Variants in TRPM4 observed in about 807,000 individuals in gnomAD.
TRPM4 encodes calcium-activated non-selective cation channel 1.
TRPM4 carries 124 observed loss-of-function variants against 135.6 expected under a neutral mutation model. That is an observed-to-expected ratio of 0.91 (90% CI 0.79 to 1.06). The LOEUF (loss-of-function observed/expected upper bound fraction) is 1.06. Ranked by LOEUF, TRPM4 falls within the 50% of genes least tolerant of loss-of-function variation. TRPM4 has a pLI of 0.00. For missense variants in TRPM4, 1,658 were observed against 1,671.4 expected (o/e 0.99, Z 0.14); for synonymous variants, 745 against 705.6 (o/e 1.06, Z -0.88).
rs917473038 is a variant in TRPM4 at position 49,188,970 on chromosome 19, G to A, written c.1898G>A (p.Ser633Asn). 8.7e-6 allele frequency: 14 copies of A among 1,614,014 alleles called. No individual in the cohort carries two copies. In the African/African-American group the frequency reaches 1.3e-4, roughly 15 times the overall value. ...GVDLFGECYRSSEVRAARLLL... is the reference protein window; with the variant it reads ...GVDLFGECYRNSEVRAARLLL... The stretch of plus-strand genomic sequence containing the variant: ...GACCTCTTTGGCGAGTGCTATCGCA[G>A]CAGTGAGGTGAGGGCTGCCCGCCTC... The change falls in exon 14 of 25, where the codon AGC (serine) becomes AAC (asparagine). Residue 633 changes from serine (S) to asparagine (N), a missense_variant. This residue lies in a region of TRPM4 where 1,412 missense variants were observed against 1,408.7 expected (regional missense o/e 1.00). Transcript: ENST00000252826.
chr19:49,197,900 G>A (rs570987098), intron 17 of TRPM4, among the ~76,000 whole-genome samples: 1 of 152,014 alleles, frequency 6.6e-6, no homozygotes, highest in African/African-American at 2.4e-5. Context: ...TATTGACCAG[G>A]CTGGTCTTGA....
chr19:49,196,738 G>C lies in TRPM4; in HGVS notation c.2509G>C (p.Gly837Arg), dbSNP rs867831248. 2 of 1,550,728 alleles carry C rather than the reference G, an allele frequency of 1.3e-6. No homozygotes were observed. The highest frequency in any genetic ancestry group is 2.4e-5 in the East Asian group (1 of 41,780). The change falls in exon 17 of 25, where the codon GGG becomes CGG. Residue 837 changes from glycine (G) to arginine (R), a missense_variant. Transcript: ENST00000252826. The part of the protein sequence containing the change: ...EELRQGLSGG[G>R]GSLASGGPGP... ...ACTGCGCCAGGGCCTGAGCGGAGGC[G>C]GGGGCAGCCTCGCCAGCGGGGGCCC...
At chr19:49,164,363 A>ATT (rs1967087744) in intron 2 of TRPM4, among the ~76,000 whole-genome samples, 8 of 10,094 alleles carry the variant, frequency 7.9e-4, no homozygotes, top group Admixed American at 3.0e-3. Context: ...TTCTTTCCTT[A>ATT]GTTTTTTTTT....
chr19:49,158,575 G>A (rs964952310), intron 2 of TRPM4: 2 of 376,790 alleles, frequency 5.3e-6, no homozygotes, highest in Non-Finnish European at 9.6e-6. Context: ...TCCCTTTTGG[G>A]TATTTCTGTT....
At chr19:49,181,953 ATCTG>A (rs71180603) in intron 10 of TRPM4, among the ~76,000 whole-genome samples, 2 of 150,766 alleles carry the variant, frequency 1.3e-5, no homozygotes, top group African/African-American at 2.4e-5. Flanking sequence ...CCACCCATCC[ATCTG>A]TCTATCCATC....
intron 16 of TRPM4, among the ~76,000 whole-genome samples, chr19:49,194,726 A>G (rs1234570705): frequency 1.0e-5 from 1 of 99,288 alleles, no homozygotes; most frequent in African/African-American, 4.1e-5. Context: ...TTCTTTCTCT[A>G]TCTCCTTCCC....
chr19:49,204,979 G>GTTT (rs1418647808), intron 20 of TRPM4, among the ~76,000 whole-genome samples: 1 of 85,724 alleles, frequency 1.2e-5, no homozygotes, highest in Admixed American at 1.2e-4. Flanking sequence ...ATTGGCTTTG[G>GTTT]TTGTTTTTTT....
intron 20 of TRPM4, among the ~76,000 whole-genome samples, chr19:49,205,047 C>G (rs1284755346): frequency 6.7e-6 from 1 of 149,608 alleles, no homozygotes; most frequent in African/African-American, 2.5e-5. Flanking sequence ...ATCTTGAACC[C>G]CTGGGCTCAA....
chr19:49,202,034 G>A lies in TRPM4; in HGVS notation c.3024G>A (p.Ala1008=), dbSNP rs35145363. 5.0e-3 allele frequency: 8,112 copies of A among 1,613,914 alleles called. 326 individuals are homozygous for A. In the African/African-American group the frequency reaches 0.088, roughly 17 times the overall value. The change falls in exon 20 of 25, where the codon GCG becomes GCA. Residue 1008 remains alanine (A), a synonymous_variant. Transcript: ENST00000252826. ...GGGCACACCCTCCTGGGGCCCAGGCGGGCACCTGCGTCTCCCAGTATGCCA... is the reference window on the plus strand; with the variant it reads ...GGGCACACCCTCCTGGGGCCCAGGCAGGCACCTGCGTCTCCCAGTATGCCA... ...GFWAHPPGAQ[A]GTCVSQYANW...
intron 9 of TRPM4, among the ~76,000 whole-genome samples, chr19:49,177,340 T>C (rs1219242104): frequency 1.3e-5 from 2 of 148,514 alleles, no homozygotes; most frequent in Non-Finnish European, 1.5e-5. Flanking sequence ...CTTTTTTTTT[T>C]TTTTTTTTTT....
chr19:49,158,522 A>T, intron 2 of TRPM4: 2 of 526,880 alleles, frequency 3.8e-6, no homozygotes, highest in Non-Finnish European at 6.8e-6. Context: ...TGTCTCTTCT[A>T]TGTGCTTCTG....
chr19:49,179,630 G>A (rs1341047806), intron 9 of TRPM4, among the ~76,000 whole-genome samples: 16 of 152,232 alleles, frequency 1.1e-4, no homozygotes, highest in African/African-American at 3.6e-4. Flanking sequence ...GATTACAGGC[G>A]TGAGCCACGG....
At chr19:49,202,881 C>CT (rs752188238) in intron 20 of TRPM4, among the ~76,000 whole-genome samples, 24,526 of 109,522 alleles carry the variant, frequency 0.22, 3,479 homozygotes, top group South Asian at 0.29. Context: ...ATTTTTACTT[C>CT]TTTTTTTTTT....
At chr19:49,173,388 A>G (rs777105682) in intron 9 of TRPM4, among the ~76,000 whole-genome samples, 1 of 152,056 alleles carries the variant, frequency 6.6e-6, no homozygotes, top group Non-Finnish European at 1.5e-5. Context: ...TCCTCCATCC[A>G]CCCATCTTCC....
At chr19:49,166,255 G>A in intron 3 of TRPM4, 40 bp downstream of exon 3, 1 of 1,551,834 alleles carries the variant, frequency 6.4e-7, no homozygotes. Context: ...GGCACCAGGG[G>A]GCTGCATGCT....
intron 11 of TRPM4, 62 bp downstream of exon 11, chr19:49,182,984 A>G (rs1968052035): frequency 6.3e-6 from 10 of 1,595,368 alleles, no homozygotes; most frequent in Non-Finnish European, 8.5e-6. Context: ...GCGGGATTAC[A>G]TCAGGGATGG....
intron 6 of TRPM4, among the ~76,000 whole-genome samples, chr19:49,169,450 AATTTTTGT>A (rs1967369922): frequency 1.3e-5 from 2 of 149,012 alleles, no homozygotes; most frequent in South Asian, 4.4e-4. Flanking sequence ...ACACCCGGCT[AATTTTTGT>A]ATTTTTAGTA....
chr19:49,188,359 C>T (rs767996966), intron 12 of TRPM4, among the ~76,000 whole-genome samples: 29 of 152,266 alleles, frequency 1.9e-4, no homozygotes, highest in Middle Eastern at 3.4e-3. Context: ...AGCCACTTTA[C>T]CCAGCCTCCA....
At chr19:49,201,826 C>G in intron 19 of TRPM4, 138 bp from the exon 20 acceptor site, 1 of 905,214 alleles carries the variant, frequency 1.1e-6, no homozygotes, top group Non-Finnish European at 1.8e-6. Flanking sequence ...TCTCAAACTC[C>G]CCACCTCAGG....
Sources: gnomAD v4.1 joint callset for allele counts (sites outside exome capture counted in the v4.1 genomes callset) on GRCh38, gnomAD v4.1.1 for gene constraint, gnomAD v4.1.1 regional missense constraint, MANE v1.5 for transcripts, NCBI Gene and HGNC (gene_info 2026-07-23, HGNC 2026-07-21) for gene names.